Variants in RSPH6A observed in about 807,000 individuals in gnomAD.
RSPH6A encodes radial spoke head 6 homolog A, also known as radial spoke head protein 6 homolog A.
In RSPH6A, 49 loss-of-function variants were observed where a neutral mutation model predicts 66.1. That is an observed-to-expected ratio of 0.74 (90% CI 0.59 to 0.94). RSPH6A has a LOEUF of 0.94. Among genes scored for constraint, RSPH6A ranks in the 40% least tolerant of loss-of-function variants. The pLI is 0.00. For missense variants in RSPH6A, 977 were observed against 948.3 expected (o/e 1.03, Z -0.40); for synonymous variants, 419 against 402.4 (o/e 1.04, Z -0.49).
chr19:45,810,606 C>T lies in RSPH6A; in HGVS notation c.885G>A (p.Glu295=), dbSNP rs1422575956. 1 of 1,613,442 alleles carries T rather than the reference C, an allele frequency of 6.2e-7. No homozygotes were observed. The highest frequency in any genetic ancestry group is 1.7e-5 in the Admixed American group (1 of 60,000). The change falls in exon 2 of 6, where the codon GAG becomes GAA. Residue 295 remains glutamate, a synonymous_variant. Transcript: ENST00000221538. ...GTEGEQEMEE[E]VGETPVPNIM... The stretch of plus-strand genomic sequence containing the variant: ...CTCTCCTGACTGGCTCACTCACCAC[C>T]TCCTCCTCCATCTCCTGTTCGCCTT...
chr19:45,810,821 G>T lies in RSPH6A; in HGVS notation c.670C>A (p.Leu224Met), dbSNP rs779930895. 2.5e-6 allele frequency: 4 copies of T among 1,610,734 alleles called. No homozygotes were observed. In the African/African-American group the frequency reaches 5.3e-5, roughly 22 times the overall value. ...DLSLYEHLVNLLTKILNQRPE... is the reference protein window; with the variant it reads ...DLSLYEHLVNMLTKILNQRPE... ...CGCTGGTTCAGGATCTTGGTCAGCA[G>T]ATTCACCAGGTGCTCGTACCTGCCT... The change falls in exon 2 of 6, where the codon CTG becomes ATG. Residue 224 changes from leucine (L) to methionine (M), a missense_variant. Physicochemically the swap from Leu to Met is conservative, Grantham distance 15. Transcript: ENST00000221538.
Position 45,804,451 on chromosome 19 carries a change from A to C in RSPH6A, c.1454T>G (p.Ile485Arg). The change falls in exon 3 of 6, where the codon ATA (isoleucine) becomes AGA (arginine). Residue 485 changes from isoleucine (I) to arginine (R), a missense_variant. Coordinates refer to ENST00000221538, the MANE Select transcript of RSPH6A (RefSeq NM_030785.4). This position sits in a 1 kb window ranked among gnomAD's most constrained non-coding sequence, Gnocchi z 5.8. ...GNEANYLRAQIARISAATQVS... is the reference protein window; with the variant it reads ...GNEANYLRAQRARISAATQVS... ...CTGCGTGGCGGCCGAGATGCGGGCT[A>C]TCTGGGCCCGCAGGTAGTTGGCCTC... The C allele has an allele frequency of 1.2e-6, 2 of 1,613,820 alleles. No individual in the cohort carries two copies. The highest frequency in any genetic ancestry group is 1.1e-5 in the South Asian group (1 of 91,060).
At chr19:45,809,851 G>A (rs1370566656) in intron 2 of RSPH6A, among the ~76,000 whole-genome samples, 2 of 152,232 alleles carry the variant, frequency 1.3e-5, no homozygotes, top group Admixed American at 1.3e-4. Flanking sequence ...CAAGGTCCTG[G>A]CTAGCCGTCT....
chr19:45,812,685 C>T (rs995939588), intron 1 of RSPH6A, among the ~76,000 whole-genome samples: 10 of 151,958 alleles, frequency 6.6e-5, no homozygotes, highest in East Asian at 1.9e-4. Flanking sequence ...GGCTGAACCA[C>T]GTAAGGCCTT....
chr19:45,796,119 T>A lies in RSPH6A; in HGVS notation c.1917-13A>T. 3 of 1,521,064 alleles carry A rather than the reference T, an allele frequency of 2.0e-6. No homozygotes were observed. Among genetic ancestry groups the A allele is most frequent in the Non-Finnish European group, 2.7e-6 (3 of 1,131,838 alleles). The allele number at this position is 1,521,064 out of a possible 1,614,324, so 94.2% of individuals were successfully genotyped here. ...GTTCTCAAACTTTCTGGAGAAGCAGTGAGACACTGTGAAATTCTCCCTCAA... is the reference window on the plus strand; with the variant it reads ...GTTCTCAAACTTTCTGGAGAAGCAGAGAGACACTGTGAAATTCTCCCTCAA... On this transcript the variant is annotated splice_polypyrimidine_tract_variant and intron_variant, in intron 5 of 5. Transcript: ENST00000221538.
rs771710064 is a variant in RSPH6A, at chr19:45,804,787, T to A, written c.1118A>T (p.Glu373Val). 2.5e-6 allele frequency: 4 copies of A among 1,610,504 alleles called. No homozygotes were observed. The East Asian group carries it at 6.7e-5, about 27-fold the overall frequency. ...GCCACCTTCCGTCATCTCCTCCACCTCCTCCTCCTCTGCCTCCTCCTCGCC... is the reference window on the plus strand; with the variant it reads ...GCCACCTTCCGTCATCTCCTCCACCACCTCCTCCTCTGCCTCCTCCTCGCC... ...REGEEEAEEE[E>V]VEEMTEGGEV... Residue 373 changes from glutamate to valine, a missense_variant, in exon 3 of 6, where the codon GAG (glutamate) becomes GTG (valine). Physicochemically the swap from Glu to Val is moderately radical, Grantham distance 121. Transcript: ENST00000221538. The surrounding 1 kb of genome is among the most constrained non-coding windows in gnomAD (Gnocchi z 5.8).
intron 2 of RSPH6A, among the ~76,000 whole-genome samples, chr19:45,806,297 G>A (rs1355758835): frequency 6.6e-6 from 1 of 151,988 alleles, no homozygotes; most frequent in East Asian, 1.9e-4. Flanking sequence ...GGAGGAAAAA[G>A]AGGAAGAAGG....
At chr19:45,813,340 G>C (rs941441628) in intron 1 of RSPH6A, among the ~76,000 whole-genome samples, 9 of 151,876 alleles carry the variant, frequency 5.9e-5, no homozygotes, top group African/African-American at 1.2e-4. Flanking sequence ...GGCCTTCACT[G>C]ACCCACACAA....
Position 45,815,189 on chromosome 19 carries a change from G to C in RSPH6A, c.-13C>G. On this transcript the variant is annotated 5_prime_UTR_variant, in exon 1 of 6. Transcript: ENST00000221538. ...GCAGGTCTCCCATGGTTCGCCAGGA[G>C]GCACAGATCTCTAGGAGAAAGGCTT... The C allele has an allele frequency of 6.3e-7, 1 of 1,582,256 alleles. No homozygotes were observed. Among genetic ancestry groups the C allele is most frequent in the Non-Finnish European group, 8.6e-7 (1 of 1,169,046 alleles).
At position 45,802,227 on chromosome 19, in the gene RSPH6A, T is replaced by G; in HGVS notation, c.1691A>C (p.Glu564Ala). Residue 564 changes from glutamate to alanine, a missense_variant, in exon 4 of 6, where the codon GAG becomes GCG. By Grantham distance (107) the Glu-to-Ala change is moderately radical. Coordinates refer to ENST00000221538, the MANE Select transcript of RSPH6A (RefSeq NM_030785.4). ...CTWVNPLQKT[E>A]EEEDLGEEEE... Reference sequence around the variant, plus strand: ...CTCCTCCCCCAGGTCCTCCTCCTCCTCTGTCTTCTGCAAAGGGTTCACCCA... The same window carrying G: ...CTCCTCCCCCAGGTCCTCCTCCTCCGCTGTCTTCTGCAAAGGGTTCACCCA... 4 of 1,537,930 alleles carry G rather than the reference T, an allele frequency of 2.6e-6. No homozygotes were observed. Among genetic ancestry groups the G allele is most frequent in the Non-Finnish European group, 3.5e-6 (4 of 1,137,320 alleles).
In RSPH6A at chr19:45,804,993, G is replaced by A; in HGVS notation, c.912C>T (p.Ile304=). 1 of 1,611,890 alleles carries A rather than the reference G, an allele frequency of 6.2e-7. No individual in the cohort carries two copies. Among genetic ancestry groups the A allele is most frequent in the South Asian group, 1.1e-5 (1 of 91,070 alleles). Residue 304 remains isoleucine, a synonymous_variant, in exon 3 of 6, where the codon ATC becomes ATT. Transcript: ENST00000221538. This position sits in a 1 kb window ranked among gnomAD's most constrained non-coding sequence, Gnocchi z 5.8. ...GCTCGAAGTAGAAGGCAGTCTCCAT[G>A]ATGTTGGGCACTGGTGTCTCCCCCT... ...EEVGETPVPN[I]METAFYFEQA...
chr19:45,805,388 A>G (rs527755397), intron 2 of RSPH6A, among the ~76,000 whole-genome samples: 1 of 150,796 alleles, frequency 6.6e-6, no homozygotes, highest in African/African-American at 2.4e-5. Flanking sequence ...AAAGTGAGAC[A>G]CGGTCTCAAA....
At chr19:45,809,027 A>C (rs979824087) in intron 2 of RSPH6A, among the ~76,000 whole-genome samples, 1 of 105,810 alleles carries the variant, frequency 9.5e-6, no homozygotes, top group African/African-American at 3.9e-5. Context: ...TTTGAGACGG[A>C]GTCTCGCTCT....
chr19:45,807,477 A>G (rs1168707615), intron 2 of RSPH6A, among the ~76,000 whole-genome samples: 2 of 151,000 alleles, frequency 1.3e-5, no homozygotes, highest in Admixed American at 6.6e-5. Context: ...GGCCTCCCAA[A>G]GTGCTGGGAT....
intron 4 of RSPH6A, 72 bp from the exon 5 acceptor site, chr19:45,800,635 G>A (rs1970459460): frequency 1.5e-6 from 2 of 1,309,144 alleles, no homozygotes; most frequent in Admixed American, 2.4e-5. Flanking sequence ...GCACCCTGAA[G>A]GAAGGAAGGC....
At chr19:45,798,682 C>CA (rs1248450362) in intron 5 of RSPH6A, among the ~76,000 whole-genome samples, 1 of 150,738 alleles carries the variant, frequency 6.6e-6, no homozygotes, top group Admixed American at 6.6e-5. Context: ...ACTAAAAATA[C>CA]AAAAAAATTA....
intron 2 of RSPH6A, 51 bp from the exon 3 acceptor site, chr19:45,805,067 C>T: frequency 1.4e-6 from 2 of 1,460,030 alleles, no homozygotes; most frequent in South Asian, 1.2e-5. Flanking sequence ...AGCTCTGCTC[C>T]CTAGCCTACC....
rs1202546892 is a variant in RSPH6A, at chr19:45,802,110, G to A, written c.1798+10C>T. On this transcript the variant is annotated intron_variant, in intron 4 of 5. Transcript: ENST00000221538. ...AGCCAGTGGTGTACAGGCTGAGAGG[G>A]CTTCCTTACCTGCATCTTCTGAAAG... 1.3e-6 allele frequency: 2 copies of A among 1,504,646 alleles called. No individual in the cohort carries two copies. The highest frequency in any genetic ancestry group is 1.8e-5 in the Admixed American group (1 of 54,128). 93.2% of individuals were successfully genotyped at this position (1,504,646 alleles called of 1,614,324 possible). A position where few individuals can be genotyped will look rare whatever the true frequency, so the allele number is the denominator to read the frequency against.
chr19:45,806,390 T>C (rs1223986308), intron 2 of RSPH6A, among the ~76,000 whole-genome samples: 1 of 151,900 alleles, frequency 6.6e-6, no homozygotes, highest in Admixed American at 6.6e-5. Context: ...GCAAAGTTTA[T>C]GGCTGGGCGC....
Sources: gnomAD v4.1 joint callset for allele counts (sites outside exome capture counted in the v4.1 genomes callset) on GRCh38, gnomAD v4.1.1 for gene constraint, Gnocchi (gnomAD v3.1) non-coding constraint, MANE v1.5 for transcripts, NCBI Gene and HGNC (gene_info 2026-07-23, HGNC 2026-07-21) for gene names.